Variants in VKORC1 observed in about 807,000 individuals in gnomAD.
VKORC1 encodes the protein phylloquinone epoxide reductase.
A neutral mutation model predicts 14.8 loss-of-function variants in VKORC1; 12 were observed. That is an observed-to-expected ratio of 0.81 (90% CI 0.52 to 1.31). The LOEUF is 1.31. Among genes scored for constraint, VKORC1 ranks in the 50% most tolerant of loss-of-function variants. VKORC1 has a pLI of 0.00. For synonymous variants in VKORC1, 94 were observed against 92.5 expected (o/e 1.02, Z -0.09); for missense variants, 223 against 215.3 (o/e 1.04, Z -0.22).
At chr16:31,094,335 T>C in intron 1 of VKORC1, 4 of 1,612,766 alleles carry the variant, frequency 2.5e-6, no homozygotes, top group South Asian at 1.1e-5. Flanking sequence ...CACGTGCGAG[T>C]CCCCGGAATA....
At chr16:31,094,345 A>G (rs1269400966) in intron 1 of VKORC1, 4 of 1,612,894 alleles carry the variant, frequency 2.5e-6, no homozygotes, top group Non-Finnish European at 3.4e-6. Context: ...TCCCCGGAAT[A>G]ATCCCAGTCC....
chr16:31,093,182 ACGCTC>A, intron 2 of VKORC1, 125 bp downstream of exon 2: 2 of 963,266 alleles, frequency 2.1e-6, no homozygotes, highest in Non-Finnish European at 1.6e-6. Context: ...CACCCGCAGG[ACGCTC>A]CGTGATGAGC....
intron 1 of VKORC1, chr16:31,093,687 T>C: frequency 3.1e-6 from 1 of 327,560 alleles, no homozygotes; most frequent in Non-Finnish European, 5.5e-6. Context: ...ATCTTAGACC[T>C]TAAGTAAGTC....
chr16:31,094,223 A>G, intron 1 of VKORC1: 6 of 1,600,582 alleles, frequency 3.7e-6, no homozygotes, highest in Non-Finnish European at 5.1e-6. Context: ...CATCGCCAAC[A>G]CCCCCCTTCA....
rs1352626378 is a variant in VKORC1 at position 31,093,174 on chromosome 16, C to A, written c.283+138G>T. On this transcript the variant is annotated intron_variant, in intron 2 of 2. Coordinates refer to ENST00000394975, the MANE Select transcript of VKORC1 (RefSeq NM_024006.6). The stretch of plus-strand genomic sequence containing the variant: ...TGTTAGTTACCTCCCCACATCCCCA[C>A]CCGCAGGACGCTCCGTGATGAGCAG... 6 of 913,164 alleles carry A rather than the reference C, an allele frequency of 6.6e-6. 1 individual carries two copies. Among genetic ancestry groups the A allele is most frequent in the Non-Finnish European group, 1.0e-5 (6 of 592,284 alleles). 56.6% of individuals were successfully genotyped at this position (913,164 alleles called of 1,614,324 possible). A position where few individuals can be genotyped will look rare whatever the true frequency, so the allele number is the denominator to read the frequency against.
At chr16:31,092,843 G>A in intron 2 of VKORC1, 1 of 1,116,616 alleles carries the variant, frequency 9.0e-7, no homozygotes, top group Non-Finnish European at 1.2e-6. Context: ...AGACCAGCCT[G>A]GGCAACATGG....
chr16:31,094,244 G>T, intron 1 of VKORC1: 1 of 1,609,952 alleles, frequency 6.2e-7, no homozygotes, highest in Non-Finnish European at 8.5e-7. Flanking sequence ...CCTGCGCGCC[G>T]TCCTTGAGAC....
Position 31,091,292 on chromosome 16 carries a change from C to T in VKORC1, c.334G>A (p.Val112Met), listed in dbSNP as rs199740609. The T allele has an allele frequency of 5.0e-6, 8 of 1,614,004 alleles. No homozygotes were observed. The South Asian group carries it at 8.8e-5, about 18-fold the overall frequency. Reference sequence around the variant, plus strand: ...AGGTAGACAGAACCAGCGAGAGACACCAGGGAGCTCAGCAGCATCAGGACA... The same window carrying T: ...AGGTAGACAGAACCAGCGAGAGACATCAGGGAGCTCAGCAGCATCAGGACA... The part of the protein sequence containing the change: ...ASVLMLLSSL[V>M]SLAGSVYLAW... The change falls in exon 3 of 3, where the codon GTG becomes ATG. Residue 112 changes from valine (V) to methionine (M), a missense_variant. Physicochemically the swap from Val to Met is conservative, Grantham distance 21 (BLOSUM62 1). Transcript: ENST00000394975.
intron 2 of VKORC1, chr16:31,092,865 C>T (rs2057298442): frequency 1.1e-6 from 1 of 939,858 alleles, no homozygotes; most frequent in South Asian, 1.5e-5. Flanking sequence ...GAGACACCAT[C>T]TCTACCAAAA....
intron 1 of VKORC1, chr16:31,094,271 C>T (rs748589816): frequency 6.2e-6 from 10 of 1,612,780 alleles, no homozygotes; most frequent in South Asian, 1.1e-5. Flanking sequence ...CAATCTCTAC[C>T]GCCATCCTGC....
rs930082360 is a variant in VKORC1, at chr16:31,093,815, T to G, written c.174-394A>C. On this transcript the variant is annotated intron_variant, in intron 1 of 2. Transcript: ENST00000394975. ...TCCGCCTCCCGGGTTCAAGCGATTC[T>G]CCTGCCTTAGCCCCCCCGAGTAGCT... 23 of 265,600 alleles carry G rather than the reference T, an allele frequency of 8.7e-5. No individual in the cohort carries two copies. In the Admixed American group the frequency reaches 1.3e-3, roughly 14 times the overall value. The allele number at this position is 265,600 out of a possible 1,614,324, so 16.5% of individuals were successfully genotyped here. A position where few individuals can be genotyped will look rare whatever the true frequency, so the allele number is the denominator to read the frequency against.
intron 2 of VKORC1, chr16:31,092,714 T>C: frequency 7.9e-7 from 1 of 1,265,452 alleles, no homozygotes; most frequent in South Asian, 1.3e-5. Context: ...CATGCTCAGC[T>C]TCTCCTTAAA....
intron 2 of VKORC1, among the ~76,000 whole-genome samples, chr16:31,092,176 CAAAAAAAAAAAA>C (rs35224256): frequency 5.4e-5 from 2 of 37,200 alleles, no homozygotes; most frequent in East Asian, 2.2e-3. Context: ...GACTATGTCG[CAAAAAAAAAAAA>C]AAAAAAAAAA....
chr16:31,090,884 A>G lies in VKORC1; in HGVS notation c.*250T>C. On this transcript the variant is annotated 3_prime_UTR_variant, in exon 3 of 3. Coordinates refer to ENST00000394975, the MANE Select transcript of VKORC1 (RefSeq NM_024006.6). ...GATCTAAGAAACTTTATTGCTCAGA[A>G]CCTTCCCTCCCTGGGCAATGGAAAG... 1 of 575,714 alleles carries G rather than the reference A, an allele frequency of 1.7e-6. No individual in the cohort carries two copies. Among genetic ancestry groups the G allele is most frequent in the Non-Finnish European group, 3.0e-6 (1 of 329,538 alleles). 35.7% of individuals were successfully genotyped at this position (575,714 alleles called of 1,614,324 possible).
chr16:31,093,851 CA>C (rs1323924482), intron 1 of VKORC1: 4 of 288,608 alleles, frequency 1.4e-5, no homozygotes, highest in Non-Finnish European at 2.6e-5. Context: ...GGGATTAAGG[CA>C]CCCGCCATAG....
At position 31,091,251 on chromosome 16, in the gene VKORC1, G is replaced by C. The variant is rs770754643; in HGVS notation, c.375C>G (p.Phe125Leu). The change falls in exon 3 of 3, where the codon TTC (phenylalanine) becomes TTG (leucine). Residue 125 changes from phenylalanine (F) to leucine (L), a missense_variant. Coordinates refer to ENST00000394975, the MANE Select transcript of VKORC1 (RefSeq NM_024006.6). ...CAATGCAGAAATCATAGAGCACGAA[G>C]AACAGGATCCAGGCCAGGTAGACAG... ...AGSVYLAWIL[F>L]FVLYDFCIVC... is the part of the protein sequence containing the mutation. 6.2e-7 allele frequency: 1 copy of C among 1,614,186 alleles called. No individual in the cohort carries two copies. The highest frequency in any genetic ancestry group is 8.5e-7 in the Non-Finnish European group (1 of 1,180,050).
intron 2 of VKORC1, chr16:31,092,692 CAA>C: frequency 8.1e-7 from 1 of 1,234,880 alleles, no homozygotes; most frequent in Non-Finnish European, 1.0e-6. Context: ...CTAAATGAGA[CAA>C]AAGATAGCTC....
chr16:31,092,328 TAAAAA>T (rs1163440956), intron 2 of VKORC1, among the ~76,000 whole-genome samples: 1 of 136,712 alleles, frequency 7.3e-6, no homozygotes, highest in Non-Finnish European at 1.6e-5. Context: ...GATTATTTCT[TAAAAA>T]AAAAAAAAAA....
chr16:31,092,648 T>C lies in VKORC1; in HGVS notation c.283+664A>G, dbSNP rs541507425. The C allele has an allele frequency of 1.6e-5, 19 of 1,179,074 alleles. No individual in the cohort carries two copies. The South Asian group carries it at 2.9e-4, about 18-fold the overall frequency. The allele number at this position is 1,179,074 out of a possible 1,614,324, so 73.0% of individuals were successfully genotyped here. A position where few individuals can be genotyped will look rare whatever the true frequency, so the allele number is the denominator to read the frequency against. On this transcript the variant is annotated intron_variant, in intron 2 of 2. Coordinates refer to ENST00000394975, the MANE Select transcript of VKORC1 (RefSeq NM_024006.6). ...ACTCCCTTGGTTCCTCTCTCTGTTC[T>C]TATGGGACTAGATACAAATTTTCCT...
Sources: gnomAD v4.1 joint callset for allele counts (sites outside exome capture counted in the v4.1 genomes callset) on GRCh38, gnomAD v4.1.1 for gene constraint, MANE v1.5 for transcripts, NCBI Gene and HGNC (gene_info 2026-07-23, HGNC 2026-07-21) for gene names.